SP1: variants seen among roughly 807,000 people sequenced by gnomAD.
The protein encoded by SP1 is transcription factor Sp1.
A neutral mutation model predicts 66.3 loss-of-function variants in SP1; 6 were observed. The ratio of observed to expected loss-of-function variants is 0.09; its 90% CI spans 0.05 to 0.18. SP1 has a LOEUF of 0.18. SP1 is among the 10% of genes least tolerant of loss of function. SP1 has a pLI of 1.00. For synonymous variants in SP1, 417 were observed against 360.8 expected (o/e 1.16, Z -1.77); for missense variants, 848 against 964.5 (o/e 0.88, Z 1.60).
Position 53,383,550 on chromosome 12 carries a change from A to G in SP1, c.1603A>G (p.Ser535Gly). The G allele has an allele frequency of 6.2e-7, 1 of 1,614,042 alleles. No individual in the cohort carries two copies. Among genetic ancestry groups the G allele is most frequent in the Non-Finnish European group, 8.5e-7 (1 of 1,179,972 alleles). ...SMPGLQTINL[S>G]ALGTSGIQVH... ...GCCAGGCCTCCAGACCATTAACCTC[A>G]GTGCATTGGGTACTTCAGGAATCCA... Residue 535 changes from serine (S) to glycine (G), a missense_variant, in exon 3 of 6, where the codon AGT becomes GGT. Physicochemically the swap from Ser to Gly is moderately conservative, Grantham distance 56. Around this residue, in one of 7 missense-constraint regions of SP1, gnomAD observed 606 missense variants for 589.9 expected, o/e 1.03. Transcript: ENST00000327443.
rs766183836 is a variant in SP1 at position 53,411,003 on chromosome 12, C to G, written c.2121C>G (p.Thr707=). The G allele has an allele frequency of 1.2e-6, 2 of 1,614,110 alleles. No homozygotes were observed. The highest frequency in any genetic ancestry group is 2.2e-5 in the South Asian group (2 of 91,086). Residue 707 remains threonine, a synonymous_variant, in exon 6 of 6, where the codon ACC becomes ACG. Transcript: ENST00000327443. ...ACCACCTGTCAAAACATATCAAGAC[C>G]CACCAGAATAAGAAGGGAGGCCCAG... ...RSDHLSKHIK[T]HQNKKGGPGV... is the part of the protein sequence containing the mutation.
At position 53,409,605 on chromosome 12, in the gene SP1, A is replaced by T. The variant is rs1367051032; in HGVS notation, c.2044+44A>T. 3 of 1,479,762 alleles carry T rather than the reference A, an allele frequency of 2.0e-6. No individual in the cohort carries two copies. In the East Asian group the frequency reaches 6.8e-5, roughly 34 times the overall value. The allele number at this position is 1,479,762 out of a possible 1,614,324, so 91.7% of individuals were successfully genotyped here. ...GAGAGAAAAATAGTAATAGACTAGA[A>T]TGAAAAACACAAAATATACCTACAA... On this transcript the variant is annotated intron_variant, in intron 5 of 5. Transcript: ENST00000327443.
Position 53,382,409 on chromosome 12 carries a change from C to G in SP1, c.462C>G (p.Asn154Lys). The G allele has an allele frequency of 6.2e-7, 1 of 1,614,204 alleles. No individual in the cohort carries two copies. ...GGQYVVAAAPNLQNQQVLTGL... is the reference protein window; with the variant it reads ...GGQYVVAAAPKLQNQQVLTGL... ...AGTATGTTGTGGCTGCCGCTCCCAACTTACAGAACCAGCAAGTTCTGACAG... is the reference window on the plus strand; with the variant it reads ...AGTATGTTGTGGCTGCCGCTCCCAAGTTACAGAACCAGCAAGTTCTGACAG... The change falls in exon 3 of 6, where the codon AAC (asparagine) becomes AAG (lysine). Residue 154 changes from asparagine (N) to lysine (K), a missense_variant. By Grantham distance (94) the Asn-to-Lys change is moderately conservative (BLOSUM62 0). Around this residue, in one of 7 missense-constraint regions of SP1, gnomAD observed 606 missense variants for 589.9 expected, o/e 1.03. Transcript: ENST00000327443.
chr12:53,383,311 C>G lies in SP1; in HGVS notation c.1364C>G (p.Thr455Arg). The stretch of plus-strand genomic sequence containing the variant: ...GGTCCCATCATCATCCGGACACCAA[C>G]AGTGGGGCCCAATGGACAGGTCAGT... ...NSGPIIIRTP[T>R]VGPNGQVSWQ... Residue 455 changes from threonine (T) to arginine (R), a missense_variant, in exon 3 of 6, where the codon ACA becomes AGA. Thr to Arg is a moderately conservative substitution (Grantham distance 71). This residue lies in a region of SP1 where 606 missense variants were observed against 589.9 expected (regional missense o/e 1.03). Transcript: ENST00000327443. 6.2e-7 allele frequency: 1 copy of G among 1,614,250 alleles called. No individual in the cohort carries two copies. Among genetic ancestry groups the G allele is most frequent in the Non-Finnish European group, 8.5e-7 (1 of 1,180,046 alleles).
rs888935050 is a variant in SP1 at position 53,413,627 on chromosome 12, A to G, written c.*2387A>G. ...ATGCACAGCCACTATCATACCCTTT[A>G]TTCTCACTGAAAGGCAGAACTCAGA... On this transcript the variant is annotated 3_prime_UTR_variant, in exon 6 of 6. Coordinates refer to ENST00000327443, the MANE Select transcript of SP1 (RefSeq NM_138473.3). 1 of 152,584 alleles carries G rather than the reference A, an allele frequency of 6.6e-6. No homozygotes were observed. Among genetic ancestry groups the G allele is most frequent in the Non-Finnish European group, 1.5e-5 (1 of 68,030 alleles). The allele number at this position is 152,584 out of a possible 1,614,324, so 9.5% of individuals were successfully genotyped here.
At chr12:53,380,627 G>A (rs1938065620) in intron 1 of SP1, 5 of 1,004,922 alleles carry the variant, frequency 5.0e-6, no homozygotes, top group African/African-American at 3.5e-5. Flanking sequence ...GAGCCGCGGG[G>A]GCGGCCCGAG....
At chr12:53,381,255 C>G (rs1938090612) in intron 1 of SP1, 1 of 157,238 alleles carries the variant, frequency 6.4e-6, no homozygotes. Flanking sequence ...CCTGGCCTCT[C>G]CATCTCTTTT....
intron 3 of SP1, among the ~76,000 whole-genome samples, chr12:53,402,497 C>T (rs945930160): frequency 2.0e-5 from 3 of 150,172 alleles, no homozygotes; most frequent in African/African-American, 7.3e-5. Flanking sequence ...ACTGGGATTA[C>T]AGGCGTGAGC....
intron 3 of SP1, among the ~76,000 whole-genome samples, chr12:53,390,453 C>T (rs1292985394): frequency 2.0e-5 from 3 of 151,990 alleles, no homozygotes; most frequent in South Asian, 2.1e-4. Context: ...GAGGCCAAGG[C>T]GGGTGGACTG....
At chr12:53,401,817 C>T (rs911785029) in intron 3 of SP1, among the ~76,000 whole-genome samples, 10 of 152,166 alleles carry the variant, frequency 6.6e-5, no homozygotes, top group Middle Eastern at 3.4e-3. Context: ...TACAGGCGCC[C>T]ACCACCACAC....
At chr12:53,406,394 C>T (rs1192595733) in intron 3 of SP1, among the ~76,000 whole-genome samples, 191 bp from the exon 4 acceptor site, 1 of 152,012 alleles carries the variant, frequency 6.6e-6, no homozygotes, top group Non-Finnish European at 1.5e-5. Flanking sequence ...AATGATGATT[C>T]TTGAGATTTC....
chr12:53,395,828 T>C (rs1168554094), intron 3 of SP1, among the ~76,000 whole-genome samples: 1 of 145,346 alleles, frequency 6.9e-6, no homozygotes, highest in East Asian at 2.0e-4. Context: ...AAAAAAAAAA[T>C]TAACTGGGCG....
At chr12:53,408,218 C>T (rs1327959563) in intron 4 of SP1, among the ~76,000 whole-genome samples, 10 of 135,528 alleles carry the variant, frequency 7.4e-5, no homozygotes, top group Admixed American at 2.9e-4. Flanking sequence ...TACACTCTAG[C>T]CTGGGCGACA....
In SP1 at chr12:53,409,572, G is replaced by C. The variant is rs755953522; in HGVS notation, c.2044+11G>C. 2.5e-6 allele frequency: 4 copies of C among 1,608,534 alleles called. No individual in the cohort carries two copies. The African/African-American group carries it at 5.3e-5, about 22-fold the overall frequency. On this transcript the variant is annotated intron_variant, in intron 5 of 5. Transcript: ENST00000327443. The stretch of plus-strand genomic sequence containing the variant: ...AACGTACACACACAGGTGAGCAAGA[G>C]CCTATGGGAGAGAAAAATAGTAATA...
chr12:53,388,656 T>C (rs1938280500), intron 3 of SP1, among the ~76,000 whole-genome samples: 1 of 152,138 alleles, frequency 6.6e-6, no homozygotes, highest in South Asian at 2.1e-4. Flanking sequence ...GCTTACTCCT[T>C]TTTCAGCTTT....
intron 3 of SP1, among the ~76,000 whole-genome samples, chr12:53,389,041 T>G (rs557390392): frequency 6.6e-6 from 1 of 151,836 alleles, no homozygotes; most frequent in East Asian, 1.9e-4. Flanking sequence ...AAATTTAACC[T>G]TTTTGCAGTA....
rs761854522 is a variant in SP1 at position 53,382,946 on chromosome 12, C to G, written c.999C>G (p.Thr333=). ...ATAGCTACTCAACTACTACTACCAC[C>G]AGCAACATGGGAATTATGAACTTTA... ...NANSYSTTTT[T]SNMGIMNFTT... The change falls in exon 3 of 6, where the codon ACC becomes ACG. Residue 333 remains threonine, a synonymous_variant. Coordinates refer to ENST00000327443, the MANE Select transcript of SP1 (RefSeq NM_138473.3). 1 of 1,614,176 alleles carries G rather than the reference C, an allele frequency of 6.2e-7. No individual in the cohort carries two copies. The highest frequency in any genetic ancestry group is 1.1e-5 in the South Asian group (1 of 91,082).
intron 3 of SP1, among the ~76,000 whole-genome samples, chr12:53,389,295 C>T (rs1938300123): frequency 7.0e-6 from 1 of 143,638 alleles, no homozygotes; most frequent in Admixed American, 7.3e-5. Flanking sequence ...GGTCTCGGCT[C>T]ACTGCAACCT....
intron 3 of SP1, among the ~76,000 whole-genome samples, chr12:53,403,486 G>A (rs1350507723): frequency 6.6e-6 from 1 of 151,268 alleles, no homozygotes; most frequent in Non-Finnish European, 1.5e-5. Flanking sequence ...CCAGGTAGTT[G>A]GGACTCCAGG....
Sources: gnomAD v4.1 joint callset for allele counts (sites outside exome capture counted in the v4.1 genomes callset) on GRCh38, gnomAD v4.1.1 for gene constraint, gnomAD v4.1.1 regional missense constraint, MANE v1.5 for transcripts, NCBI Gene and HGNC (gene_info 2026-07-23, HGNC 2026-07-21) for gene names.